The following NPSR1 variants were observed in gnomAD, a reference collection of about 807,000 sequenced individuals.
NPSR1 encodes the protein neuropeptide S receptor.
A neutral mutation model predicts 46.9 loss-of-function variants in NPSR1; 48 were observed. The observed-to-expected ratio is 1.02, with a 90% CI of 0.81 to 1.30. The LOEUF is 1.30. NPSR1 is among the 50% of genes most tolerant of loss of function. The pLI, the probability that NPSR1 is intolerant of heterozygous loss-of-function variation, is 0.00. For missense variants in NPSR1, 450 were observed against 449.5 expected (o/e 1.00, Z -0.01); for synonymous variants, 176 against 168.1 (o/e 1.05, Z -0.36).
intron 2 of NPSR1, among the ~76,000 whole-genome samples, chr7:34,743,536 G>T (rs1785056601): frequency 6.6e-6 from 1 of 151,874 alleles, no homozygotes; most frequent in African/African-American, 2.4e-5. Context: ...CGCCTCCTGG[G>T]TTCAAGCAAT....
At chr7:34,791,014 TTA>T (rs369048425) in intron 3 of NPSR1, among the ~76,000 whole-genome samples, 6 of 114,890 alleles carry the variant, frequency 5.2e-5, no homozygotes, top group South Asian at 2.4e-4. Flanking sequence ...ATATGTTATA[TTA>T]TATATGTTAT....
chr7:34,784,974 G>A (rs963893508), intron 3 of NPSR1, among the ~76,000 whole-genome samples: 6 of 152,052 alleles, frequency 3.9e-5, no homozygotes, highest in Non-Finnish European at 5.9e-5. Flanking sequence ...TCAGTGTGGC[G>A]ATTCCTCAGG....
intron 8 of NPSR1, among the ~76,000 whole-genome samples, chr7:34,872,644 T>C (rs573637091): frequency 6.6e-6 from 1 of 151,822 alleles, no homozygotes; most frequent in East Asian, 1.9e-4. Flanking sequence ...ACAATCATGG[T>C]GGAAGGCAAG....
At chr7:34,792,715 T>TTTATATATA (rs1554331562) in intron 3 of NPSR1, among the ~76,000 whole-genome samples, 1 of 98,926 alleles carries the variant, frequency 1.0e-5, no homozygotes, top group African/African-American at 3.9e-5. Flanking sequence ...ATATATATAT[T>TTTATATATA]TATATATATA....
chr7:34,847,333 T>A (rs1790770830), intron 7 of NPSR1, among the ~76,000 whole-genome samples: 1 of 151,940 alleles, frequency 6.6e-6, no homozygotes, highest in Non-Finnish European at 1.5e-5. Context: ...AAATGAGAGA[T>A]GCGTGTATTT....
intron 2 of NPSR1, among the ~76,000 whole-genome samples, chr7:34,688,264 T>A (rs963219430): frequency 6.6e-6 from 1 of 152,156 alleles, no homozygotes; most frequent in African/African-American, 2.4e-5. Context: ...TAATTTTCCA[T>A]GCACAACGTT....
chr7:34,731,869 G>A (rs1415021421), intron 2 of NPSR1, among the ~76,000 whole-genome samples: 1 of 152,078 alleles, frequency 6.6e-6, no homozygotes, highest in African/African-American at 2.4e-5. Context: ...ATGGGCCAAT[G>A]TAGCATCATA....
chr7:34,738,111 G>T (rs191149818), intron 2 of NPSR1, among the ~76,000 whole-genome samples: 1 of 152,348 alleles, frequency 6.6e-6, no homozygotes, highest in South Asian at 2.1e-4. Flanking sequence ...CCAGGAGAGA[G>T]CATTTTTGGA....
At chr7:34,676,827 T>C (rs1792338424) in intron 1 of NPSR1, among the ~76,000 whole-genome samples, 1 of 152,076 alleles carries the variant, frequency 6.6e-6, no homozygotes, top group African/African-American at 2.4e-5. Flanking sequence ...TCTGGAAGTG[T>C]TCTGAAGCCT....
rs182522455 is a variant in NPSR1, at chr7:34,861,359, T to A, written c.1025+12696T>A. 2.3e-3 allele frequency among the ~76,000 whole-genome samples: 347 copies of A among 151,936 alleles called. 10 individuals are homozygous for A. The highest frequency in any genetic ancestry group is 8.2e-3 in the African/African-American group (337 of 41,206). ...CCCTCAGATATCTGCTTGTCCAACA[T>A]CCTTGCTTTCCTCAGATCTTTGCCC... is the stretch of plus-strand genomic sequence containing the variant. On this transcript the variant is annotated intron_variant, in intron 8 of 8. Coordinates refer to the NPSR1 transcript ENST00000359791.
At chr7:34,712,672 G>C (rs1783362273) in intron 2 of NPSR1, among the ~76,000 whole-genome samples, 1 of 152,194 alleles carries the variant, frequency 6.6e-6, no homozygotes, top group African/African-American at 2.4e-5. Context: ...TCCCTGAGCA[G>C]AGGAACAACC....
At chr7:34,854,000 A>T (rs1790999396), downstream of NPSR1, among the ~76,000 whole-genome samples, 3 of 152,014 alleles carry the variant, frequency 2.0e-5, no homozygotes, top group African/African-American at 7.2e-5. Flanking sequence ...AAAAAACATT[A>T]TTACGCACAA....
At chr7:34,840,246 A>C (rs1213011904) in intron 6 of NPSR1, among the ~76,000 whole-genome samples, 1 of 152,194 alleles carries the variant, frequency 6.6e-6, no homozygotes, top group Non-Finnish European at 1.5e-5. Context: ...AGAAAGGGAC[A>C]ATAAGATCCC....
intron 2 of NPSR1, among the ~76,000 whole-genome samples, chr7:34,736,941 G>T (rs1277764790): frequency 6.6e-6 from 1 of 152,006 alleles, no homozygotes; most frequent in African/African-American, 2.4e-5. Context: ...ATTTTCACAG[G>T]ATAAGAAAGC....
intron 2 of NPSR1, among the ~76,000 whole-genome samples, chr7:34,703,192 T>C (rs1793926695): frequency 1.3e-5 from 2 of 152,076 alleles, no homozygotes; most frequent in East Asian, 1.9e-4. Flanking sequence ...ACCCCGTCTC[T>C]ACTAAAAATA....
At chr7:34,818,316 C>A (rs1038449795) in intron 4 of NPSR1, among the ~76,000 whole-genome samples, 26 of 152,146 alleles carry the variant, frequency 1.7e-4, no homozygotes, top group African/African-American at 6.3e-4. Flanking sequence ...TTCCCATTCA[C>A]AATTGCTACA....
intron 2 of NPSR1, among the ~76,000 whole-genome samples, chr7:34,695,614 C>A (rs1047319064): frequency 6.6e-6 from 1 of 151,940 alleles, no homozygotes; most frequent in Non-Finnish European, 1.5e-5. Flanking sequence ...CAAGAAAGAA[C>A]AAACAACCCC....
chr7:34,802,252 C>T lies in NPSR1; in HGVS notation c.385-9518C>T, dbSNP rs188156925. 6.6e-3 allele frequency among the ~76,000 whole-genome samples: 990 copies of T among 150,286 alleles called. 85 individuals are homozygous for T. The highest frequency in any genetic ancestry group is 0.024 in the African/African-American group (947 of 39,706). On this transcript the variant is annotated intron_variant, in intron 3 of 8. Transcript: ENST00000360581. ...TATGGAACCAAAAAAGAGCTCACAT[C>T]GCGAAGTCAATCCTAAGCCAAAAGA...
chr7:34,713,467 T>TA, intron 2 of NPSR1, among the ~76,000 whole-genome samples: 1 of 151,824 alleles, frequency 6.6e-6, no homozygotes, highest in Non-Finnish European at 1.5e-5. Flanking sequence ...GTATTATTTA[T>TA]AAATAATAAT....
Sources: gnomAD v4.1 joint callset for allele counts (sites outside exome capture counted in the v4.1 genomes callset) on GRCh38, gnomAD v4.1.1 for gene constraint, MANE v1.5 for transcripts, NCBI Gene and HGNC (gene_info 2026-07-23, HGNC 2026-07-21) for gene names.